The following CDH13 variants were observed in gnomAD, a reference collection of about 807,000 sequenced individuals.
The protein encoded by CDH13 is cadherin 13, also known as cadherin-13.
In CDH13, 24 loss-of-function variants were observed where a neutral mutation model predicts 63.8. The observed-to-expected ratio is 0.38, with a 90% CI of 0.27 to 0.53. CDH13 has a LOEUF of 0.53. Ranked by LOEUF, CDH13 falls within the 20% of genes least tolerant of loss-of-function variation. The pLI is 0.85. For synonymous variants in CDH13, 503 were observed against 355.3 expected (o/e 1.42, Z -4.67); for missense variants, 1,049 against 903.1 (o/e 1.16, Z -2.07).
intron 6 of CDH13, among the ~76,000 whole-genome samples, chr16:83,476,589 C>T (rs1380026313): frequency 6.6e-6 from 1 of 152,330 alleles, no homozygotes; most frequent in South Asian, 2.1e-4. Flanking sequence ...ATGAGAATCA[C>T]TTGAACCTGG....
At chr16:83,197,269 A>G (rs1197722709) in intron 4 of CDH13, among the ~76,000 whole-genome samples, 1 of 140,536 alleles carries the variant, frequency 7.1e-6, no homozygotes, top group African/African-American at 3.0e-5. Flanking sequence ...GGTGTATCAT[A>G]GGTATATATA....
intron 1 of CDH13, among the ~76,000 whole-genome samples, chr16:82,636,670 G>A (rs1485399971): frequency 6.6e-6 from 1 of 152,116 alleles, no homozygotes; most frequent in Non-Finnish European, 1.5e-5. Context: ...TGGTGTAGTA[G>A]GAGAATATTC....
At chr16:83,420,984 G>A (rs1373502365) in intron 6 of CDH13, among the ~76,000 whole-genome samples, 2 of 152,222 alleles carry the variant, frequency 1.3e-5, no homozygotes, top group African/African-American at 4.8e-5. Context: ...CTTTGTTCTA[G>A]CCATGCCGAC....
At chr16:82,681,809 G>C (rs1214046727) in intron 1 of CDH13, among the ~76,000 whole-genome samples, 1 of 152,248 alleles carries the variant, frequency 6.6e-6, no homozygotes, top group Non-Finnish European at 1.5e-5. Context: ...GGTGAGGACT[G>C]ACATGCGTCA....
At chr16:83,438,862 T>G (rs1043447275) in intron 6 of CDH13, among the ~76,000 whole-genome samples, 4 of 152,236 alleles carry the variant, frequency 2.6e-5, no homozygotes, top group Non-Finnish European at 5.9e-5. Context: ...ACTGCAGATA[T>G]TCACAGAGGG....
chr16:83,688,683 G>T (rs1186900510), intron 10 of CDH13, among the ~76,000 whole-genome samples: 1 of 152,110 alleles, frequency 6.6e-6, no homozygotes, highest in Non-Finnish European at 1.5e-5. Context: ...AAATGTAAAT[G>T]GATTGTTTAC....
intron 2 of CDH13, among the ~76,000 whole-genome samples, chr16:82,940,807 C>A (rs573071501): frequency 6.6e-6 from 1 of 152,284 alleles, no homozygotes; most frequent in African/African-American, 2.4e-5. Context: ...CTTATTTGAG[C>A]TCTTGTCCCA....
At chr16:82,787,003 G>C (rs939546775) in intron 1 of CDH13, among the ~76,000 whole-genome samples, 13 of 152,252 alleles carry the variant, frequency 8.5e-5, no homozygotes, top group African/African-American at 3.1e-4. Flanking sequence ...ACCATCTGAG[G>C]ATTCACAATT....
chr16:83,126,176 G>C (rs1188994316), intron 4 of CDH13, among the ~76,000 whole-genome samples: 1 of 152,200 alleles, frequency 6.6e-6, no homozygotes, highest in East Asian at 1.9e-4. Context: ...CCAGCACTCA[G>C]GAAAAGAGTT....
At chr16:82,792,985 TG>T (rs1338420760) in intron 1 of CDH13, among the ~76,000 whole-genome samples, 1 of 152,250 alleles carries the variant, frequency 6.6e-6, no homozygotes, top group Non-Finnish European at 1.5e-5. Context: ...CCGCCTGGGA[TG>T]GGGTGACGTT....
intron 2 of CDH13, among the ~76,000 whole-genome samples, chr16:82,873,276 G>A (rs1418455829): frequency 6.6e-6 from 1 of 152,158 alleles, no homozygotes; most frequent in Non-Finnish European, 1.5e-5. Flanking sequence ...CATCTCAAAT[G>A]TCTTGCAAAT....
chr16:83,264,304 A>T (rs76997811), intron 5 of CDH13, among the ~76,000 whole-genome samples: 15,161 of 152,196 alleles, frequency 0.1, 1,066 homozygotes, highest in Non-Finnish European at 0.15. Flanking sequence ...GTTTATGGTC[A>T]GCTTGAACTC....
intron 1 of CDH13, among the ~76,000 whole-genome samples, chr16:82,655,211 T>C (rs572796910): frequency 6.6e-6 from 1 of 152,372 alleles, no homozygotes; most frequent in South Asian, 2.1e-4. Context: ...CATGGAGCTA[T>C]TGCTTTATTG....
At chr16:83,552,369 G>A (rs1201219887) in intron 7 of CDH13, among the ~76,000 whole-genome samples, 1 of 152,144 alleles carries the variant, frequency 6.6e-6, no homozygotes, top group Admixed American at 6.5e-5. Flanking sequence ...GAAAGGAAAT[G>A]CCAATCTGGT....
chr16:83,573,355 C>T (rs1214160676), intron 7 of CDH13, among the ~76,000 whole-genome samples: 1 of 152,088 alleles, frequency 6.6e-6, no homozygotes, highest in East Asian at 1.9e-4. Context: ...AGTGGTGGGT[C>T]AGGAAGCCAA....
intron 2 of CDH13, among the ~76,000 whole-genome samples, chr16:83,000,613 G>A (rs1338329416): frequency 6.8e-6 from 1 of 146,436 alleles, no homozygotes; most frequent in Non-Finnish European, 1.5e-5. Flanking sequence ...TTTTTGAGAG[G>A]GAGTCTCGTT....
At chr16:83,623,245 T>C (rs1418580158) in intron 8 of CDH13, among the ~76,000 whole-genome samples, 1 of 152,112 alleles carries the variant, frequency 6.6e-6, no homozygotes, top group East Asian at 1.9e-4. Flanking sequence ...CTCAGTCCCC[T>C]ATTACAGACT....
chr16:82,906,969 C>G (rs1382849076), intron 2 of CDH13, among the ~76,000 whole-genome samples: 1 of 152,150 alleles, frequency 6.6e-6, no homozygotes, highest in Non-Finnish European at 1.5e-5. Flanking sequence ...TCTGCAAAGG[C>G]CTTATTTCCA....
intron 11 of CDH13, among the ~76,000 whole-genome samples, chr16:83,753,594 G>A (rs1357563886): frequency 6.6e-6 from 1 of 152,150 alleles, no homozygotes; most frequent in Non-Finnish European, 1.5e-5. Flanking sequence ...TATCCAAAGT[G>A]AGCATTTGTT....
Sources: gnomAD v4.1 joint callset for allele counts (sites outside exome capture counted in the v4.1 genomes callset) on GRCh38, gnomAD v4.1.1 for gene constraint, MANE v1.5 for transcripts, NCBI Gene and HGNC (gene_info 2026-07-23, HGNC 2026-07-21) for gene names.